The following SPAG16 variants were observed in gnomAD, a reference collection of about 807,000 sequenced individuals.
SPAG16 encodes sperm-associated antigen 16 protein.
A neutral mutation model predicts 80.4 loss-of-function variants in SPAG16; 86 were observed. That is an observed-to-expected ratio of 1.07 (90% CI 0.90 to 1.28). SPAG16 has a LOEUF of 1.28. Among genes scored for constraint, SPAG16 ranks in the 50% most tolerant of loss-of-function variants. The probability of loss-of-function intolerance (pLI) is 0.00; values close to 1 mark genes in which losing one functional copy is unlikely to be tolerated. For synonymous variants in SPAG16, 294 were observed against 265.9 expected (o/e 1.11, Z -1.03); for missense variants, 870 against 765.3 (o/e 1.14, Z -1.61).
rs1457112292 is a variant in SPAG16, at chr2:214,396,560, G to A, written c.1721-13580G>A. Among the ~76,000 whole-genome samples the A allele has an allele frequency of 2.0e-5, 3 of 152,010 alleles. No homozygotes were observed. The East Asian group carries it at 5.8e-4, about 29-fold the overall frequency. ...ATAAGCCCCATTTGTCCACTACCCAGGTTTGACAACTGTTAATATTTTGAC... is the reference window on the plus strand; with the variant it reads ...ATAAGCCCCATTTGTCCACTACCCAAGTTTGACAACTGTTAATATTTTGAC... On this transcript the variant is annotated intron_variant, in intron 15 of 15. Coordinates refer to ENST00000331683, the MANE Select transcript of SPAG16 (RefSeq NM_024532.5).
At chr2:213,810,201 CATT>C (rs2072044774) in intron 10 of SPAG16, among the ~76,000 whole-genome samples, 1 of 152,076 alleles carries the variant, frequency 6.6e-6, no homozygotes, top group African/African-American at 2.4e-5. Context: ...TAGAATATAA[CATT>C]ATTATTTTGT....
chr2:214,171,281 C>A (rs1186012103), intron 15 of SPAG16, among the ~76,000 whole-genome samples: 1 of 151,880 alleles, frequency 6.6e-6, no homozygotes, highest in Non-Finnish European at 1.5e-5. Flanking sequence ...AAATGTGAAG[C>A]ATCAATTTTT....
At chr2:214,023,166 T>C (rs991851280) in intron 13 of SPAG16, among the ~76,000 whole-genome samples, 3 of 152,006 alleles carry the variant, frequency 2.0e-5, no homozygotes, top group East Asian at 1.9e-4. Flanking sequence ...TAATCACTTA[T>C]GTTCAACAGG....
At chr2:213,991,937 C>T (rs2046305546) in intron 12 of SPAG16, among the ~76,000 whole-genome samples, 2 of 151,706 alleles carry the variant, frequency 1.3e-5, no homozygotes, top group South Asian at 4.2e-4. Flanking sequence ...GTAGTGGGTG[C>T]AGCCAGGTAG....
chr2:213,860,446 T>G (rs1334439191), intron 10 of SPAG16, among the ~76,000 whole-genome samples: 8 of 125,642 alleles, frequency 6.4e-5, no homozygotes, highest in East Asian at 2.4e-4. Flanking sequence ...TTTATAGATA[T>G]ATGTATATAT....
intron 4 of SPAG16, 71 bp downstream of exon 4, chr2:213,310,248 A>T (rs1480272642): frequency 9.4e-7 from 1 of 1,068,746 alleles, no homozygotes; most frequent in Non-Finnish European, 1.3e-6. Flanking sequence ...TAAGTGTCTT[A>T]GGAGACTTTG....
chr2:213,849,418 A>G (rs978314708), intron 10 of SPAG16, among the ~76,000 whole-genome samples: 1 of 152,156 alleles, frequency 6.6e-6, no homozygotes, highest in African/African-American at 2.4e-5. Flanking sequence ...ACATGTCCAA[A>G]CCATAGCAGT....
intron 11 of SPAG16, among the ~76,000 whole-genome samples, chr2:213,871,251 A>G (rs13024824): frequency 6.6e-6 from 1 of 152,070 alleles, no homozygotes; most frequent in African/African-American, 2.4e-5. Context: ...CAGAATAAGG[A>G]CGTTCAAAAA....
chr2:213,612,953 G>A (rs927504478), intron 10 of SPAG16, among the ~76,000 whole-genome samples: 7 of 152,134 alleles, frequency 4.6e-5, no homozygotes, highest in African/African-American at 1.2e-4. Flanking sequence ...GATTACAGGC[G>A]TGAACCACCG....
intron 8 of SPAG16, among the ~76,000 whole-genome samples, chr2:213,369,885 A>G (rs1000747650): frequency 1.2e-4 from 19 of 152,204 alleles, no homozygotes; most frequent in South Asian, 2.1e-4. Flanking sequence ...GTAAAAACTG[A>G]TGAGTGTCCA....
At chr2:213,846,464 C>T (rs13023752) in intron 10 of SPAG16, among the ~76,000 whole-genome samples, 38,099 of 151,718 alleles carry the variant, frequency 0.25, 5,262 homozygotes, top group Middle Eastern at 0.38. Context: ...ACAGTTTTTC[C>T]GACTCAATTA....
chr2:214,108,472 CA>C (rs1559803019), intron 14 of SPAG16, among the ~76,000 whole-genome samples: 2 of 87,854 alleles, frequency 2.3e-5, no homozygotes, highest in East Asian at 8.1e-4. Context: ...CACACACACA[CA>C]CACACACCCC....
At chr2:214,338,452 G>A (rs370938204) in intron 15 of SPAG16, among the ~76,000 whole-genome samples, 43 of 152,034 alleles carry the variant, frequency 2.8e-4, no homozygotes, top group African/African-American at 9.9e-4. Context: ...GGTTCACCCT[G>A]GAGATCATGC....
intron 10 of SPAG16, among the ~76,000 whole-genome samples, chr2:213,624,806 T>A (rs567385399): frequency 5.3e-5 from 8 of 152,314 alleles, no homozygotes; most frequent in African/African-American, 1.9e-4. Context: ...TTTTGTTTTT[T>A]TTGAGATGGA....
chr2:213,982,405 A>G (rs2045796241), intron 12 of SPAG16, among the ~76,000 whole-genome samples: 1 of 152,086 alleles, frequency 6.6e-6, no homozygotes, highest in Non-Finnish European at 1.5e-5. Flanking sequence ...CGTTCTTACT[A>G]ATGAATTATG....
chr2:213,350,981 A>ACC (rs1559442242), intron 7 of SPAG16, among the ~76,000 whole-genome samples: 22 of 149,940 alleles, frequency 1.5e-4, no homozygotes, highest in Non-Finnish European at 2.5e-4. Flanking sequence ...AAAAAAAAAA[A>ACC]ACAAAAAACA....
intron 12 of SPAG16, among the ~76,000 whole-genome samples, chr2:213,965,570 TTC>T (rs1383665273): frequency 6.6e-6 from 1 of 152,210 alleles, no homozygotes; most frequent in Non-Finnish European, 1.5e-5. Flanking sequence ...ACCAGAGGTG[TTC>T]TCTTTTTAGC....
chr2:214,088,275 T>C (rs2051918572), intron 13 of SPAG16, among the ~76,000 whole-genome samples: 1 of 151,348 alleles, frequency 6.6e-6, no homozygotes, highest in Admixed American at 6.6e-5. Context: ...CCGAGATGAA[T>C]GGTATTCTGA....
intron 13 of SPAG16, among the ~76,000 whole-genome samples, chr2:214,074,775 T>C (rs2050984318): frequency 6.6e-6 from 1 of 152,066 alleles, no homozygotes; most frequent in Non-Finnish European, 1.5e-5. Flanking sequence ...CTAATAAATA[T>C]ATTAAAAGGC....
Sources: allele counts gnomAD v4.1 joint callset (sites outside exome capture counted in the v4.1 genomes callset), GRCh38; gene constraint gnomAD v4.1.1; transcripts MANE v1.5; gene names NCBI Gene and HGNC (gene_info 2026-07-23, HGNC 2026-07-21).